Variants in PDS5B observed in about 807,000 individuals in gnomAD.
PDS5B encodes the protein sister chromatid cohesion protein PDS5 homolog B.
In PDS5B, 51 loss-of-function variants were observed where a neutral mutation model predicts 184.1. The observed-to-expected ratio is 0.28, with a 90% confidence interval of 0.22 to 0.35. PDS5B has a LOEUF of 0.35. Ranked by LOEUF, PDS5B falls within the 10% of genes least tolerant of loss-of-function variation. The probability of loss-of-function intolerance (pLI) is 1.00; values close to 1 mark genes in which losing one functional copy is unlikely to be tolerated. For synonymous variants in PDS5B, 566 were observed against 569.2 expected, an observed-to-expected ratio of 0.99 and a Z score of 0.08; for missense variants, 1,180 against 1,723.3, an observed-to-expected ratio of 0.68 and a Z score of 5.58.
At chr13:32,607,260 T>G in intron 1 of PDS5B, among the ~76,000 whole-genome samples, 1 of 152,216 alleles carries the variant, frequency 6.6e-6, no homozygotes. Flanking sequence ...CCTTTCTGTT[T>G]GTTAGTTTTC....
At chr13:32,626,394 A>C (rs2058371518) in intron 1 of PDS5B, among the ~76,000 whole-genome samples, 5 of 152,218 alleles carry the variant, frequency 3.3e-5, no homozygotes, top group Admixed American at 3.3e-4. Flanking sequence ...CATCTGCTAA[A>C]GTGTATTGGA....
intron 1 of PDS5B, among the ~76,000 whole-genome samples, chr13:32,609,209 T>G (rs2058104883): frequency 6.6e-6 from 1 of 152,212 alleles, no homozygotes; most frequent in African/African-American, 2.4e-5. Context: ...CCAAATCCCT[T>G]TATCCGTTGT....
chr13:32,616,200 C>G (rs1316573758), intron 1 of PDS5B, among the ~76,000 whole-genome samples: 1 of 151,720 alleles, frequency 6.6e-6, no homozygotes, highest in Admixed American at 6.6e-5. Context: ...ATTACAGGCA[C>G]CCGCCACCAC....
chr13:32,749,587 C>G (rs1953896501), intron 24 of PDS5B, among the ~76,000 whole-genome samples: 1 of 152,042 alleles, frequency 6.6e-6, no homozygotes, highest in East Asian at 1.9e-4. Context: ...GTTCTAAGTT[C>G]TGGAAATACA....
intron 1 of PDS5B, among the ~76,000 whole-genome samples, chr13:32,624,092 C>T (rs1175491907): frequency 6.6e-6 from 1 of 152,088 alleles, no homozygotes; most frequent in Non-Finnish European, 1.5e-5. Context: ...AATTCCTTAG[C>T]TCTTTGCAAA....
At chr13:32,741,988 T>A (rs1032353133) in intron 22 of PDS5B, among the ~76,000 whole-genome samples, 1 of 152,098 alleles carries the variant, frequency 6.6e-6, no homozygotes, top group Non-Finnish European at 1.5e-5. Flanking sequence ...TAGGCATACT[T>A]ACCAACTGGC....
In PDS5B at chr13:32,764,439, T is replaced by C. The variant is rs189775468; in HGVS notation, c.3519-50T>C. 1.9e-5 allele frequency: 23 copies of C among 1,180,292 alleles called. No individual in the cohort carries two copies. In the East Asian group the frequency reaches 2.4e-4, roughly 12 times the overall value. The allele number at this position is 1,180,292 out of a possible 1,614,324, so 73.1% of individuals were successfully genotyped here. On this transcript the variant is annotated intron_variant, in intron 30 of 34. Coordinates refer to ENST00000315596, the MANE Select transcript of PDS5B (RefSeq NM_015032.4). Reference sequence around the variant, plus strand: ...AAGCTACACTAGGAACAGAAAAAGCTTGTAAGGTTATTTGATTGTAATAAC... The same window carrying C: ...AAGCTACACTAGGAACAGAAAAAGCCTGTAAGGTTATTTGATTGTAATAAC...
In PDS5B at chr13:32,745,963, T is replaced by C; in HGVS notation, c.2613-14T>C. The stretch of plus-strand genomic sequence containing the variant: ...TTTAAATGCTAATCTATATTCATTC[T>C]ACTCATTTTTCAGTAAACCAGATAT... On this transcript the variant is annotated splice_polypyrimidine_tract_variant and intron_variant, in intron 23 of 34. Transcript: ENST00000315596. 5.6e-6 allele frequency: 9 copies of C among 1,596,278 alleles called. No individual in the cohort carries two copies. The highest frequency in any genetic ancestry group is 6.9e-6 in the Non-Finnish European group (8 of 1,164,448).
At chr13:32,643,559 T>C (rs677095) in intron 1 of PDS5B, among the ~76,000 whole-genome samples, 147,044 of 152,150 alleles carry the variant, frequency 0.97, 71,056 homozygotes, top group East Asian at 0.99. Flanking sequence ...CTGTCAGTGA[T>C]GGACTGCATA....
chr13:32,673,279 G>T lies in PDS5B; in HGVS notation c.769G>T (p.Asp257Tyr). 1 of 1,613,238 alleles carries T rather than the reference G, an allele frequency of 6.2e-7. No individual in the cohort carries two copies. The highest frequency in any genetic ancestry group is 1.1e-5 in the South Asian group (1 of 91,026). ...CAGCGATTTGTCAGAGCATGTCTTT[G>T]ACTTAATTTTGGAGCTCTACAATAT... ...SISDLSEHVFDLILELYNIDS... is the reference protein window; with the variant it reads ...SISDLSEHVFYLILELYNIDS... The change falls in exon 8 of 35, where the codon GAC (aspartate) becomes TAC (tyrosine). Residue 257 changes from aspartate to tyrosine, a missense_variant. Around this residue, in one of 11 missense-constraint regions of PDS5B, gnomAD observed 79 missense variants for 124.6 expected, o/e 0.63. Coordinates refer to ENST00000315596, the MANE Select transcript of PDS5B (RefSeq NM_015032.4).
At chr13:32,664,428 C>T (rs1027541161) in intron 6 of PDS5B, among the ~76,000 whole-genome samples, 2 of 152,102 alleles carry the variant, frequency 1.3e-5, no homozygotes, top group Non-Finnish European at 2.9e-5. Flanking sequence ...TGTGTATCAC[C>T]TTTATGTTGA....
intron 1 of PDS5B, among the ~76,000 whole-genome samples, chr13:32,589,547 T>C (rs1259827706): frequency 6.6e-6 from 1 of 152,252 alleles, no homozygotes; most frequent in East Asian, 1.9e-4. Flanking sequence ...TATTTATTCT[T>C]TGTGAAACTT....
intron 25 of PDS5B, among the ~76,000 whole-genome samples, chr13:32,754,353 C>A (rs780585228): frequency 2.6e-5 from 4 of 152,118 alleles, no homozygotes; most frequent in Non-Finnish European, 5.9e-5. Context: ...TTGCTCTCAG[C>A]CTGAGTTTCA....
At chr13:32,712,560 G>T (rs893009862) in intron 19 of PDS5B, among the ~76,000 whole-genome samples, 1 of 152,176 alleles carries the variant, frequency 6.6e-6, no homozygotes, top group African/African-American at 2.4e-5. Context: ...AAAGAAAAAT[G>T]TATTTAAGTA....
At position 32,602,611 on chromosome 13, in the gene PDS5B, C is replaced by T. The variant is rs554995937; in HGVS notation, c.-20+16018C>T. ...ACTTATAATCGTTTGGGTATATACC[C>T]AGTAATGGGATGGCTGGGTCAAATG... On this transcript the variant is annotated intron_variant, in intron 1 of 34. Coordinates refer to ENST00000315596, the MANE Select transcript of PDS5B (RefSeq NM_015032.4). 3.9e-5 allele frequency among the ~76,000 whole-genome samples: 6 copies of T among 152,240 alleles called. No individual in the cohort carries two copies. The East Asian group carries it at 1.2e-3, about 29-fold the overall frequency.
chr13:32,748,010 A>G (rs1953823285), intron 24 of PDS5B, among the ~76,000 whole-genome samples: 1 of 152,178 alleles, frequency 6.6e-6, no homozygotes, highest in African/African-American at 2.4e-5. Flanking sequence ...TCAAGCACCA[A>G]ATTCCCAAGG....
At chr13:32,625,941 C>T (rs755265608) in intron 1 of PDS5B, among the ~76,000 whole-genome samples, 13 of 151,216 alleles carry the variant, frequency 8.6e-5, no homozygotes, top group East Asian at 5.8e-4. Flanking sequence ...TGGATTCAAG[C>T]GATTCTTGTG....
intron 17 of PDS5B, among the ~76,000 whole-genome samples, chr13:32,705,972 T>C (rs1016042441): frequency 5.3e-5 from 8 of 152,066 alleles, no homozygotes; most frequent in African/African-American, 1.9e-4. Context: ...TGGGTACAGA[T>C]GTTTATTTTA....
At chr13:32,605,164 G>A (rs1213872926) in intron 1 of PDS5B, among the ~76,000 whole-genome samples, 2 of 152,134 alleles carry the variant, frequency 1.3e-5, no homozygotes, top group Admixed American at 6.5e-5. Context: ...TGATGTTAGG[G>A]TGTCAATTTT....
Sources: allele counts gnomAD v4.1 joint callset (sites outside exome capture counted in the v4.1 genomes callset), GRCh38; gene constraint gnomAD v4.1.1; regional missense constraint gnomAD v4.1.1; transcripts MANE v1.5; gene names NCBI Gene and HGNC (gene_info 2026-07-23, HGNC 2026-07-21).